The following HLA-F variants were observed in gnomAD, a reference collection of about 807,000 sequenced individuals.
HLA-F encodes HLA class I histocompatibility antigen, alpha chain F.
Under a neutral mutation model 49.5 loss-of-function variants are expected in HLA-F, and 46 were observed. The ratio of observed to expected loss-of-function variants is 0.93; its 90% CI spans 0.73 to 1.19. HLA-F has a LOEUF of 1.19. HLA-F is among the 50% of genes most tolerant of loss of function. HLA-F has a pLI of 0.00. For missense variants in HLA-F, 496 were observed against 579.6 expected (o/e 0.86, Z 1.48); for synonymous variants, 203 against 233.5 (o/e 0.87, Z 1.19).
chr6:29,733,363 T>TTA, intron 3 of HLA-F, among the ~76,000 whole-genome samples: 1 of 152,174 alleles, frequency 6.6e-6, no homozygotes, highest in African/African-American at 2.4e-5. Context: ...GTATTTTATT[T>TTA]TTTTTAATTC....
chr6:29,725,351 T>G (rs1342873144), intron 4 of HLA-F, 45 bp downstream of exon 4: 4 of 1,612,474 alleles, frequency 2.5e-6, no homozygotes, highest in Non-Finnish European at 3.4e-6. Context: ...GGTCATGTCT[T>G]TTCTCAGGGA....
chr6:29,723,470 C>A lies in HLA-F; in HGVS notation c.7C>A (p.Pro3Thr). ...AGACGCGGAGGTTGGGGTCATGGCG[C>A]CCCGAAGCCTCCTCCTGCTGCTCTC... is the stretch of plus-strand genomic sequence containing the variant. MA[P>T]RSLLLLLSGA... The change falls in exon 1 of 7, where the codon CCC (proline) becomes ACC (threonine). Residue 3 changes from proline to threonine, a missense_variant. By Grantham distance (38) the Pro-to-Thr change is conservative (BLOSUM62 -1). Transcript: ENST00000259951. The A allele has an allele frequency of 6.2e-7, 1 of 1,613,622 alleles. No individual in the cohort carries two copies. Among genetic ancestry groups the A allele is most frequent in the Non-Finnish European group, 8.5e-7 (1 of 1,179,982 alleles).
At chr6:29,723,585 G>A in intron 1 of HLA-F, 58 bp downstream of exon 1, 2 of 1,597,010 alleles carry the variant, frequency 1.3e-6, no homozygotes, top group Non-Finnish European at 1.7e-6. Flanking sequence ...GGGCCCGCCC[G>A]GTGGGGGCGC....
downstream of HLA-F, among the ~76,000 whole-genome samples, chr6:29,730,797 G>A (rs573228286): frequency 1.8e-4 from 28 of 152,042 alleles, no homozygotes; most frequent in Non-Finnish European, 3.5e-4. Context: ...TAGGCACAAT[G>A]AAACCTCAGT....
At chr6:29,731,232 C>CATAGATAGATAG (rs57735158), downstream of HLA-F, among the ~76,000 whole-genome samples, 4,588 of 81,456 alleles carry the variant, frequency 0.056, 148 homozygotes, top group Non-Finnish European at 0.053. Context: ...TAGATGGATA[C>CATAGATAGATAG]ATAGATAGAT....
rs765292631 is a variant in HLA-F at position 29,725,489 on chromosome 6, C to T, written c.929C>T (p.Ala310Val). The stretch of plus-strand genomic sequence containing the variant: ...ACCATCCCCATCGTGGGCATCGTTG[C>T]TGGCCTTGTTGTCCTTGGAGCTGTG... Reference protein sequence around the residue: ...QPTIPIVGIVAGLVVLGAVVT... With the variant: ...QPTIPIVGIVVGLVVLGAVVT... The change falls in exon 5 of 7, where the codon GCT becomes GTT. Residue 310 changes from alanine (A) to valine (V), a missense_variant. Ala to Val is a moderately conservative substitution (Grantham distance 64). Coordinates refer to ENST00000259951, the MANE Select transcript of HLA-F (RefSeq NM_001098479.2). 1.9e-6 allele frequency: 3 copies of T among 1,614,204 alleles called. No homozygotes were observed. Among genetic ancestry groups the T allele is most frequent in the South Asian group, 1.1e-5 (1 of 91,084 alleles).
intron 5 of HLA-F, 126 bp from the exon 6 acceptor site, chr6:29,725,885 T>A: frequency 9.5e-7 from 1 of 1,056,202 alleles, no homozygotes; most frequent in Non-Finnish European, 1.4e-6. Context: ...TATTTCTTGA[T>A]CCTGCCCTGG....
intron 3 of HLA-F, among the ~76,000 whole-genome samples, chr6:29,737,218 CAA>C (rs3030698): frequency 0.019 from 1,258 of 65,078 alleles, 9 homozygotes; most frequent in African/African-American, 0.026. Context: ...ATCCTCATGG[CAA>C]AAAAAAAAAA....
intron 3 of HLA-F, chr6:29,735,332 C>CATATATGT (rs1776968590): frequency 8.3e-6 from 1 of 120,832 alleles, no homozygotes; most frequent in African/African-American, 3.1e-5. Flanking sequence ...TATGTATAGT[C>CATATATGT]ATATATATGT....
chr6:29,724,033 G>C (rs1021837809), intron 2 of HLA-F, 106 bp downstream of exon 2: 37 of 1,547,498 alleles, frequency 2.4e-5, no homozygotes, highest in Non-Finnish European at 3.0e-5. Context: ...CGAGGCAGCG[G>C]GACCCGCCCA....
intron 3 of HLA-F, among the ~76,000 whole-genome samples, chr6:29,733,268 C>T (rs549740484): frequency 6.6e-6 from 1 of 151,998 alleles, no homozygotes; most frequent in Non-Finnish European, 1.5e-5. Context: ...CTCCAGGGAC[C>T]AACAGTCACA....
chr6:29,724,924 C>T, intron 3 of HLA-F, 107 bp from the exon 4 acceptor site: 1 of 1,295,940 alleles, frequency 7.7e-7, no homozygotes, highest in Non-Finnish European at 1.1e-6. Flanking sequence ...GTTCTGTGCT[C>T]CCTTCCCCAC....
chr6:29,738,349 T>A (rs904109687), intron 4 of HLA-F: 2 of 152,194 alleles, frequency 1.3e-5, no homozygotes, highest in Non-Finnish European at 2.9e-5. Flanking sequence ...CCAGCCCATC[T>A]GGTTCTCCCT....
At chr6:29,725,809 G>A (rs1775990367) in intron 5 of HLA-F, among the ~76,000 whole-genome samples, 1 of 152,208 alleles carries the variant, frequency 6.6e-6, no homozygotes, top group Non-Finnish European at 1.5e-5. Context: ...AATCACAGGG[G>A]AAGGTCCCTG....
At position 29,725,502 on chromosome 6, in the gene HLA-F, C is replaced by T. The variant is rs1562292224; in HGVS notation, c.942C>T (p.Val314=). 1 of 1,614,152 alleles carries T rather than the reference C, an allele frequency of 6.2e-7. No individual in the cohort carries two copies. Among genetic ancestry groups the T allele is most frequent in the African/African-American group, 1.3e-5 (1 of 75,028 alleles). ...TGGGCATCGTTGCTGGCCTTGTTGT[C>T]CTTGGAGCTGTGGTCACTGGAGCTG... The part of the protein sequence containing the change: ...PIVGIVAGLV[V]LGAVVTGAVV... The change falls in exon 5 of 7, where the codon GTC becomes GTT. Residue 314 remains valine, a synonymous_variant. Coordinates refer to ENST00000259951, the MANE Select transcript of HLA-F (RefSeq NM_001098479.2).
Position 29,725,494 on chromosome 6 carries a change from CTTG to C in HLA-F, c.939_941del (p.Val314del), listed in dbSNP as rs1775942193. The C allele has an allele frequency of 1.2e-6, 2 of 1,614,160 alleles. No homozygotes were observed. The highest frequency in any genetic ancestry group is 1.1e-5 in the South Asian group (1 of 91,078). On this transcript the variant is annotated inframe_deletion, in exon 5 of 7. Coordinates refer to ENST00000259951, the MANE Select transcript of HLA-F (RefSeq NM_001098479.2). ...CCCCATCGTGGGCATCGTTGCTGGC[CTTG>C]TTGTCCTTGGAGCTGTGGTCACTGG...
At chr6:29,728,124 C>T, downstream of HLA-F, 1 of 516,828 alleles carries the variant, frequency 1.9e-6, no homozygotes. Context: ...TGCTGAACAT[C>T]CTGCAGTGCA....
chr6:29,723,483 T>G lies in HLA-F; in HGVS notation c.20T>G (p.Leu7Arg). 1 of 1,613,670 alleles carries G rather than the reference T, an allele frequency of 6.2e-7. No homozygotes were observed. Among genetic ancestry groups the G allele is most frequent in the Non-Finnish European group, 8.5e-7 (1 of 1,179,984 alleles). Residue 7 changes from leucine to arginine, a missense_variant, in exon 1 of 7, where the codon CTC becomes CGC. By Grantham distance (102) the Leu-to-Arg change is moderately radical. Transcript: ENST00000259951. MAPRSL[L>R]LLLSGALALT... Reference sequence around the variant, plus strand: ...GGGGTCATGGCGCCCCGAAGCCTCCTCCTGCTGCTCTCAGGGGCCCTGGCC... The same window carrying G: ...GGGGTCATGGCGCCCCGAAGCCTCCGCCTGCTGCTCTCAGGGGCCCTGGCC...
chr6:29,723,943 C>T lies in HLA-F; in HGVS notation c.334+16C>T. ...AGCGAGGCTGGTGAGTGAACCCGGC[C>T]GGGGGCGCAGGTCACGACCACCCCC... On this transcript the variant is annotated intron_variant, in intron 2 of 6. Coordinates refer to ENST00000259951, the MANE Select transcript of HLA-F (RefSeq NM_001098479.2). 6.3e-7 allele frequency: 1 copy of T among 1,583,284 alleles called. No individual in the cohort carries two copies. Among genetic ancestry groups the T allele is most frequent in the East Asian group, 2.3e-5 (1 of 42,918 alleles).
Sources: gnomAD v4.1 joint callset for allele counts (sites outside exome capture counted in the v4.1 genomes callset) on GRCh38, gnomAD v4.1.1 for gene constraint, MANE v1.5 for transcripts, NCBI Gene and HGNC (gene_info 2026-07-23, HGNC 2026-07-21) for gene names.